Variants in NUP37 observed in about 807,000 individuals in gnomAD.
The protein encoded by NUP37 is nucleoporin Nup37.
A neutral mutation model predicts 45.4 loss-of-function variants in NUP37; 33 were observed. The ratio of observed to expected loss-of-function variants is 0.73; its 90% confidence interval spans 0.55 to 0.97. The LOEUF is 0.97. Ranked by LOEUF, NUP37 falls within the 50% of genes least tolerant of loss-of-function variation. The pLI, the probability that NUP37 is intolerant of heterozygous loss-of-function variation, is 0.00. For missense variants in NUP37, 365 were observed against 389.7 expected, an observed-to-expected ratio of 0.94 and a Z score of 0.53; for synonymous variants, 127 against 130.7, an observed-to-expected ratio of 0.97 and a Z score of 0.19.
intron 4 of NUP37, among the ~76,000 whole-genome samples, chr12:102,099,850 T>C (rs913537338): frequency 6.6e-6 from 1 of 152,180 alleles, no homozygotes; most frequent in East Asian, 1.9e-4. Flanking sequence ...AATAGGCCTG[T>C]CAGATAATTA....
At chr12:102,091,469 A>G (rs1430274489) in intron 5 of NUP37, among the ~76,000 whole-genome samples, 1 of 151,694 alleles carries the variant, frequency 6.6e-6, no homozygotes, top group Non-Finnish European at 1.5e-5. Flanking sequence ...CATAATACAC[A>G]TAATTAAGCA....
rs187166466 is a variant in NUP37 at position 102,075,175 on chromosome 12, T to C, written c.774-81A>G. The C allele has an allele frequency of 1.2e-4, 103 of 886,658 alleles. 1 individual carries two copies. The Admixed American group carries it at 2.7e-3, about 23-fold the overall frequency. 54.9% of individuals were successfully genotyped at this position (886,658 alleles called of 1,614,324 possible). A position where few individuals can be genotyped will look rare whatever the true frequency, so the allele number is the denominator to read the frequency against. On this transcript the variant is annotated intron_variant, in intron 8 of 9. Coordinates refer to ENST00000552283, the MANE Select transcript of NUP37 (RefSeq NM_024057.4). ...TTTTCTGAAGCGGGCTTTTTCTTTT[T>C]CTTTTTCTTTTTTTTTAAGAGACAG...
At chr12:102,081,586 CAAT>C in intron 6 of NUP37, among the ~76,000 whole-genome samples, 1 of 152,316 alleles carries the variant, frequency 6.6e-6, no homozygotes, top group South Asian at 2.1e-4. Context: ...CTACAAAATA[CAAT>C]ACTACTACTG....
intron 6 of NUP37, among the ~76,000 whole-genome samples, chr12:102,080,235 A>C (rs1879294863): frequency 6.6e-6 from 1 of 152,210 alleles, no homozygotes; most frequent in Non-Finnish European, 1.5e-5. Context: ...GAATTACAGT[A>C]TTCTTAATAG....
intron 5 of NUP37, among the ~76,000 whole-genome samples, 154 bp downstream of exon 5, chr12:102,098,952 T>C (rs1879893321): frequency 6.6e-6 from 1 of 152,264 alleles, no homozygotes; most frequent in Non-Finnish European, 1.5e-5. Context: ...TTGAAACTCA[T>C]GTTTGTGCCA....
chr12:102,115,652 A>T (rs1442542131), intron 2 of NUP37, among the ~76,000 whole-genome samples: 1 of 152,220 alleles, frequency 6.6e-6, no homozygotes, highest in Non-Finnish European at 1.5e-5. Flanking sequence ...TCAGAAGCTC[A>T]TATGTCCATC....
intron 2 of NUP37, 107 bp from the exon 3 acceptor site, chr12:102,112,339 A>C: frequency 3.5e-6 from 3 of 868,732 alleles, no homozygotes; most frequent in Non-Finnish European, 4.9e-6. Context: ...TGCTTTTGAA[A>C]AGTTCAAAAG....
chr12:102,117,114 C>G (rs1249054739), intron 2 of NUP37, among the ~76,000 whole-genome samples: 1 of 152,026 alleles, frequency 6.6e-6, no homozygotes, highest in Non-Finnish European at 1.5e-5. Context: ...TTGGACACTT[C>G]CAAATTACCG....
At chr12:102,089,023 G>C (rs559568113) in intron 5 of NUP37, among the ~76,000 whole-genome samples, 2 of 151,950 alleles carry the variant, frequency 1.3e-5, no homozygotes, top group Admixed American at 1.3e-4. Context: ...CACGGGGTTG[G>C]GGGTAAGGTT....
rs375251202 is a variant in NUP37 at position 102,117,978 on chromosome 12, A to C, written c.156+385T>G. Among the ~76,000 whole-genome samples, 17 of 152,332 alleles carry C rather than the reference A, an allele frequency of 1.1e-4. 1 individual carries two copies. The highest frequency in any genetic ancestry group is 2.0e-4 in the Admixed American group (3 of 15,308). ...TTATAAAAGCTATAAAATCTCCTGG[A>C]AGATTGTTTTTTGGGCTCTCAACAT... On this transcript the variant is annotated intron_variant, in intron 2 of 9. Coordinates refer to ENST00000552283, the MANE Select transcript of NUP37 (RefSeq NM_024057.4).
chr12:102,084,403 T>C (rs541005279), intron 6 of NUP37, among the ~76,000 whole-genome samples: 1 of 152,108 alleles, frequency 6.6e-6, no homozygotes, highest in East Asian at 1.9e-4. Flanking sequence ...CCCAGCAATA[T>C]GGGAGGCCGA....
At chr12:102,096,152 C>T (rs1879797095) in intron 5 of NUP37, among the ~76,000 whole-genome samples, 2 of 152,000 alleles carry the variant, frequency 1.3e-5, no homozygotes, top group Admixed American at 6.5e-5. Flanking sequence ...TGGAAGGCTA[C>T]ATTTTCTGTG....
intron 3 of NUP37, among the ~76,000 whole-genome samples, chr12:102,108,954 G>A (rs1330534057): frequency 6.6e-6 from 1 of 152,138 alleles, no homozygotes; most frequent in Non-Finnish European, 1.5e-5. Flanking sequence ...GCAAAATGAA[G>A]CCAAGTTCAG....
At chr12:102,114,492 T>C (rs1036391231) in intron 2 of NUP37, among the ~76,000 whole-genome samples, 1 of 152,168 alleles carries the variant, frequency 6.6e-6, no homozygotes, top group Non-Finnish European at 1.5e-5. Context: ...TGGATTTAGT[T>C]TGGGGTATAA....
intron 6 of NUP37, 45 bp downstream of exon 6, chr12:102,085,721 T>C (rs907695338): frequency 1.1e-6 from 1 of 922,632 alleles, no homozygotes; most frequent in Non-Finnish European, 1.7e-6. Context: ...TATATCTCTA[T>C]AAGTCTTTTC....
At chr12:102,091,047 C>T (rs182619200) in intron 5 of NUP37, among the ~76,000 whole-genome samples, 424 of 152,210 alleles carry the variant, frequency 2.8e-3, no homozygotes, top group Non-Finnish European at 5.0e-3. Context: ...TCAGTTATAA[C>T]CACAGAAGCA....
At chr12:102,114,873 G>A (rs1278253540) in intron 2 of NUP37, among the ~76,000 whole-genome samples, 2 of 152,152 alleles carry the variant, frequency 1.3e-5, no homozygotes, top group African/African-American at 2.4e-5. Context: ...AGTTCTTAAC[G>A]TTAAGCCAAA....
intron 6 of NUP37, among the ~76,000 whole-genome samples, chr12:102,081,142 T>G (rs982804952): frequency 1.3e-4 from 20 of 152,180 alleles, no homozygotes; most frequent in Admixed American, 9.2e-4. Flanking sequence ...TTGATAGGAC[T>G]ATTGGGAGAA....
At chr12:102,083,922 C>A (rs1181515770) in intron 6 of NUP37, among the ~76,000 whole-genome samples, 1 of 152,068 alleles carries the variant, frequency 6.6e-6, no homozygotes, top group Non-Finnish European at 1.5e-5. Flanking sequence ...TGGAGACTGA[C>A]TGAGATTATG....
Sources: allele counts gnomAD v4.1 joint callset (sites outside exome capture counted in the v4.1 genomes callset), GRCh38; gene constraint gnomAD v4.1.1; transcripts MANE v1.5; gene names NCBI Gene and HGNC (gene_info 2026-07-23, HGNC 2026-07-21).